Variants in PATL1 observed in about 807,000 individuals in gnomAD.
PATL1 encodes the protein PAT1 homolog 1, processing body mRNA decay factor.
A neutral mutation model predicts 100.6 loss-of-function variants in PATL1; 32 were observed. The ratio of observed to expected loss-of-function variants is 0.32; its 90% CI spans 0.24 to 0.43. The LOEUF (loss-of-function observed/expected upper bound fraction) is 0.43. Among genes scored for constraint, PATL1 ranks in the 20% least tolerant of loss-of-function variants. The pLI, the probability that PATL1 is intolerant of heterozygous loss-of-function variation, is 1.00. For synonymous variants in PATL1, 332 were observed against 330.0 expected (o/e 1.01, Z -0.07); for missense variants, 747 against 949.9 (o/e 0.79, Z 2.81).
At position 59,638,355 on chromosome 11, in the gene PATL1, G is replaced by C. The variant is rs376467001; in HGVS notation, c.*35C>G. 32 of 1,604,486 alleles carry C rather than the reference G, an allele frequency of 2.0e-5. No individual in the cohort carries two copies. Among genetic ancestry groups the C allele is most frequent in the Non-Finnish European group, 2.7e-5 (32 of 1,172,380 alleles). ...GGTGATGGCAGCAGTGCAGGTGGCA[G>C]CCAAAAGGAGGTACAGGACACATTT... On this transcript the variant is annotated 3_prime_UTR_variant, in exon 19 of 19. Coordinates refer to ENST00000300146, the MANE Select transcript of PATL1 (RefSeq NM_152716.3).
In PATL1 at chr11:59,652,541, T is replaced by C; in HGVS notation, c.1349A>G (p.Gln450Arg). 1 of 1,613,924 alleles carries C rather than the reference T, an allele frequency of 6.2e-7. No individual in the cohort carries two copies. Among genetic ancestry groups the C allele is most frequent in the South Asian group, 1.1e-5 (1 of 91,078 alleles). ...LEKLSAAEEIQGDGPKKERTK... is the reference protein window; with the variant it reads ...LEKLSAAEEIRGDGPKKERTK... ...GCGCTCCTTCTTAGGGCCATCACCT[T>C]GTATTTCTTCAGCAGCTGACAGTTT... is the stretch of plus-strand genomic sequence containing the variant. Residue 450 changes from glutamine to arginine, a missense_variant, in exon 11 of 19, where the codon CAA becomes CGA. Physicochemically the swap from Gln to Arg is conservative, Grantham distance 43 (BLOSUM62 1). This residue lies in a region of PATL1 where 434 missense variants were observed against 596.1 expected (regional missense o/e 0.73). Transcript: ENST00000300146.
chr11:59,668,509 G>A (rs926271710), intron 1 of PATL1, among the ~76,000 whole-genome samples: 2 of 151,976 alleles, frequency 1.3e-5, no homozygotes, highest in African/African-American at 2.4e-5. Context: ...CGGGAAACGC[G>A]GCTCTGGGAA....
intron 8 of PATL1, 49 bp from the exon 9 acceptor site, chr11:59,654,121 GAAATTTT>G: frequency 6.8e-7 from 1 of 1,472,956 alleles, no homozygotes; most frequent in Non-Finnish European, 9.5e-7. Context: ...CTGATGACTT[GAAATTTT>G]AAAGAATGTT....
chr11:59,644,699 G>A (rs1429582578), intron 15 of PATL1, among the ~76,000 whole-genome samples: 1 of 152,062 alleles, frequency 6.6e-6, no homozygotes, highest in Non-Finnish European at 1.5e-5. Context: ...TTCAGGTTCA[G>A]TAGGATGTGG....
rs150870967 is a variant in PATL1 at position 59,639,629 on chromosome 11, A to G, written c.2050-246T>C. 68 of 412,852 alleles carry G rather than the reference A, an allele frequency of 1.6e-4. No individual in the cohort carries two copies. The East Asian group carries it at 1.9e-3, about 11-fold the overall frequency. The allele number at this position is 412,852 out of a possible 1,614,324, so 25.6% of individuals were successfully genotyped here. ...ACAGAAACGGAAAGTCATGGTGTCC[A>G]ACACGCCTCTCTGTTCCCCATGCTG... On this transcript the variant is annotated intron_variant, in intron 16 of 18. Transcript: ENST00000300146.
intron 8 of PATL1, among the ~76,000 whole-genome samples, chr11:59,655,066 C>T (rs1000502710): frequency 5.9e-5 from 9 of 152,268 alleles, no homozygotes; most frequent in Middle Eastern, 3.4e-3. Context: ...TTACAGATTT[C>T]GAACTTGTCA....
At chr11:59,657,916 C>A (rs1040878268) in intron 4 of PATL1, among the ~76,000 whole-genome samples, 192 bp from the exon 5 acceptor site, 5 of 152,040 alleles carry the variant, frequency 3.3e-5, no homozygotes, top group Admixed American at 6.6e-5. Flanking sequence ...GAAATCCCAG[C>A]GCCTTGGGAG....
intron 16 of PATL1, chr11:59,639,627 C>T (rs948092865): frequency 2.4e-6 from 1 of 414,476 alleles, no homozygotes; most frequent in African/African-American, 2.0e-5. Context: ...GTCATGGTGT[C>T]CAACACGCCT....
At chr11:59,664,342 A>G (rs1314735711) in intron 2 of PATL1, among the ~76,000 whole-genome samples, 1 of 152,086 alleles carries the variant, frequency 6.6e-6, no homozygotes. Context: ...TGTCCATAGC[A>G]CTCTGGAAGT....
In PATL1 at chr11:59,668,915, G is replaced by T; in HGVS notation, c.-20C>A. 1.7e-6 allele frequency: 1 copy of T among 600,414 alleles called. No individual in the cohort carries two copies. The highest frequency in any genetic ancestry group is 2.6e-6 in the Non-Finnish European group (1 of 381,234). The allele number at this position is 600,414 out of a possible 1,614,324, so 37.2% of individuals were successfully genotyped here. A position where few individuals can be genotyped will look rare whatever the true frequency, so the allele number is the denominator to read the frequency against. On this transcript the variant is annotated 5_prime_UTR_variant, in exon 1 of 19. Transcript: ENST00000300146. ...GAACATTCTTGGGGAGGGGGGCAGG[G>T]AGCGGGGAGGGGAGAGGGGGAGGGA...
At chr11:59,641,548 T>G (rs1861279628) in intron 16 of PATL1, among the ~76,000 whole-genome samples, 1 of 151,398 alleles carries the variant, frequency 6.6e-6, no homozygotes, top group Non-Finnish European at 1.5e-5. Flanking sequence ...AGCTCAGGAG[T>G]TTGAGACCAG....
intron 16 of PATL1, among the ~76,000 whole-genome samples, chr11:59,642,097 C>A (rs1378655129): frequency 6.6e-6 from 1 of 152,204 alleles, no homozygotes; most frequent in Admixed American, 6.5e-5. Flanking sequence ...TACATCATCA[C>A]CTCCATCTTA....
rs371524804 is a variant in PATL1, at chr11:59,653,898, A to C, written c.1121+85T>G. 15 of 1,261,950 alleles carry C rather than the reference A, an allele frequency of 1.2e-5. No individual in the cohort carries two copies. The African/African-American group carries it at 2.1e-4, about 18-fold the overall frequency. 78.2% of individuals were successfully genotyped at this position (1,261,950 alleles called of 1,614,324 possible). A position where few individuals can be genotyped will look rare whatever the true frequency, so the allele number is the denominator to read the frequency against. ...ATATGAAGTAAACTTACTAAAAAAA[A>C]CAAAACAACTAAATAGCATGTTGTT... On this transcript the variant is annotated intron_variant, in intron 9 of 18. Coordinates refer to ENST00000300146, the MANE Select transcript of PATL1 (RefSeq NM_152716.3).
At chr11:59,643,777 T>A (rs1861320363) in intron 15 of PATL1, among the ~76,000 whole-genome samples, 2 of 152,178 alleles carry the variant, frequency 1.3e-5, no homozygotes, top group African/African-American at 4.8e-5. Context: ...AATTAGCCAA[T>A]TTTTATAGAT....
Position 59,648,264 on chromosome 11 carries a change from C to T in PATL1, c.1734-351G>A, listed in dbSNP as rs373438314. Reference sequence around the variant, plus strand: ...GCAGTGGCGCTATCTTGGTTCATTGCAGCCTCCACCTCCTGGGTTCAAGTG... The same window carrying T: ...GCAGTGGCGCTATCTTGGTTCATTGTAGCCTCCACCTCCTGGGTTCAAGTG... On this transcript the variant is annotated intron_variant, in intron 14 of 18. Coordinates refer to ENST00000300146, the MANE Select transcript of PATL1 (RefSeq NM_152716.3). Among the ~76,000 whole-genome samples the T allele has an allele frequency of 5.5e-5, 8 of 146,532 alleles. No individual in the cohort carries two copies. In the East Asian group the frequency reaches 1.0e-3, roughly 18 times the overall value.
rs193172229 is a variant in PATL1, at chr11:59,640,775, G to A, written c.2050-1392C>T. On this transcript the variant is annotated intron_variant, in intron 16 of 18. Transcript: ENST00000300146. ...GGGATGGGCATGGTGGCTCATGCCT[G>A]TAATTCCAGCACTTTGGGAGGTGGA... Among the ~76,000 whole-genome samples, 206 of 152,116 alleles carry A rather than the reference G, an allele frequency of 1.4e-3. 1 individual carries two copies. The highest frequency in any genetic ancestry group is 1.2e-3 in the Non-Finnish European group (82 of 67,990).
chr11:59,647,943 C>T, intron 14 of PATL1, 30 bp from the exon 15 acceptor site: 1 of 1,566,066 alleles, frequency 6.4e-7, no homozygotes, highest in Non-Finnish European at 8.7e-7. Context: ...CAGCTTAGGT[C>T]AGCAAGAACA....
chr11:59,667,345 GTAT>G (rs1340029078), intron 1 of PATL1, among the ~76,000 whole-genome samples: 1 of 152,100 alleles, frequency 6.6e-6, no homozygotes, highest in Admixed American at 6.5e-5. Flanking sequence ...GTATCTTTAT[GTAT>G]CTTTTCCAGC....
At chr11:59,645,088 G>C (rs1181628975) in intron 15 of PATL1, among the ~76,000 whole-genome samples, 1 of 142,306 alleles carries the variant, frequency 7.0e-6, no homozygotes, top group Non-Finnish European at 1.5e-5. Flanking sequence ...AGAGAGCACA[G>C]GGTTGGGGGT....
Sources: gnomAD v4.1 joint callset for allele counts (sites outside exome capture counted in the v4.1 genomes callset) on GRCh38, gnomAD v4.1.1 for gene constraint, gnomAD v4.1.1 regional missense constraint, MANE v1.5 for transcripts, NCBI Gene and HGNC (gene_info 2026-07-23, HGNC 2026-07-21) for gene names.